The following PAMR1 variants were observed in gnomAD, a reference collection of about 807,000 sequenced individuals.
The protein encoded by PAMR1 is inactive serine protease PAMR1.
In PAMR1, 88 loss-of-function variants were observed where a neutral mutation model predicts 81.8. The ratio of observed to expected loss-of-function variants is 1.08; its 90% CI spans 0.91 to 1.28. The LOEUF is 1.28. PAMR1 is among the 50% of genes most tolerant of loss of function. The probability of loss-of-function intolerance (pLI) is 0.00; values close to 1 mark genes in which losing one functional copy is unlikely to be tolerated. For synonymous variants in PAMR1, 336 were observed against 345.3 expected, an observed-to-expected ratio of 0.97 and a Z score of 0.30; for missense variants, 935 against 919.7, an observed-to-expected ratio of 1.02 and a Z score of -0.21.
rs181424432 is a variant in PAMR1 at position 35,445,110 on chromosome 11, T to C, written c.821-3417A>G. On this transcript the variant is annotated intron_variant, in intron 6 of 10. Coordinates refer to ENST00000619888, the MANE Select transcript of PAMR1 (RefSeq NM_001001991.3). ...TTATTCTCTTTGTGGCAATTGTGAATGGGAGTTCATTCATGATTTGACTCT... is the reference window on the plus strand; with the variant it reads ...TTATTCTCTTTGTGGCAATTGTGAACGGGAGTTCATTCATGATTTGACTCT... Among the ~76,000 whole-genome samples, 38 of 152,326 alleles carry C rather than the reference T, an allele frequency of 2.5e-4. No individual in the cohort carries two copies. The East Asian group carries it at 6.9e-3, about 28-fold the overall frequency.
intron 1 of PAMR1, among the ~76,000 whole-genome samples, chr11:35,506,435 T>G (rs112498101): frequency 9.7e-4 from 3 of 3,090 alleles, no homozygotes; most frequent in African/African-American, 2.1e-3. Context: ...TTTTTTGGTG[T>G]TTTTTTTTTT....
At chr11:35,437,057 T>C (rs1202070910) in intron 8 of PAMR1, among the ~76,000 whole-genome samples, 1 of 152,124 alleles carries the variant, frequency 6.6e-6, no homozygotes, top group Non-Finnish European at 1.5e-5. Flanking sequence ...TCAGGGCGCA[T>C]TGATCGGGAG....
chr11:35,500,148 C>T (rs1850804255), intron 1 of PAMR1, among the ~76,000 whole-genome samples: 1 of 152,214 alleles, frequency 6.6e-6, no homozygotes, highest in Admixed American at 6.5e-5. Context: ...TCATTTTAGA[C>T]TTCTGACCTT....
At chr11:35,456,203 T>C (rs954564403) in intron 6 of PAMR1, among the ~76,000 whole-genome samples, 4 of 152,216 alleles carry the variant, frequency 2.6e-5, no homozygotes, top group Non-Finnish European at 5.9e-5. Flanking sequence ...TTTGCTTCTA[T>C]AATTACATCA....
intron 6 of PAMR1, among the ~76,000 whole-genome samples, chr11:35,460,696 T>C (rs1406347733): frequency 6.6e-6 from 1 of 152,220 alleles, no homozygotes; most frequent in African/African-American, 2.4e-5. Context: ...GGTGCATATG[T>C]GCCACATTTT....
At chr11:35,513,613 T>C (rs965427280) in intron 1 of PAMR1, 1 of 152,216 alleles carries the variant, frequency 6.6e-6, no homozygotes, top group African/African-American at 2.4e-5. Flanking sequence ...GCATTTTATA[T>C]ATGAAGAAAC....
At chr11:35,477,541 G>A (rs1590355281) in intron 3 of PAMR1, among the ~76,000 whole-genome samples, 1 of 152,204 alleles carries the variant, frequency 6.6e-6, no homozygotes, top group African/African-American at 2.4e-5. Flanking sequence ...TTCCCTAGCC[G>A]TGCAGCCTTG....
chr11:35,501,303 G>C (rs1850836195), intron 1 of PAMR1, among the ~76,000 whole-genome samples: 1 of 151,326 alleles, frequency 6.6e-6, no homozygotes, highest in African/African-American at 2.4e-5. Context: ...GCTAATTTTT[G>C]TATTATTTTT....
At chr11:35,463,811 A>T (rs1363304390) in intron 6 of PAMR1, among the ~76,000 whole-genome samples, 1 of 152,192 alleles carries the variant, frequency 6.6e-6, no homozygotes, top group African/African-American at 2.4e-5. Flanking sequence ...GGAGGCTCTC[A>T]CACCTTCTTG....
chr11:35,491,657 T>C (rs1850627915), intron 3 of PAMR1, among the ~76,000 whole-genome samples: 1 of 152,212 alleles, frequency 6.6e-6, no homozygotes, highest in Non-Finnish European at 1.5e-5. Context: ...TGCAGGAATT[T>C]AATTCAGGAT....
intron 1 of PAMR1, among the ~76,000 whole-genome samples, chr11:35,506,095 T>A (rs992220666): frequency 6.6e-6 from 1 of 150,602 alleles, no homozygotes; most frequent in African/African-American, 2.4e-5. Flanking sequence ...TTTAAACAGA[T>A]GACAACTTAC....
intron 7 of PAMR1, among the ~76,000 whole-genome samples, chr11:35,440,044 T>C (rs2135340518): frequency 6.6e-6 from 1 of 152,354 alleles, no homozygotes; most frequent in African/African-American, 2.4e-5. Context: ...GTGAAGGTTC[T>C]AAAACATAGC....
chr11:35,506,580 T>C (rs1179935671), intron 1 of PAMR1, among the ~76,000 whole-genome samples: 2 of 152,056 alleles, frequency 1.3e-5, no homozygotes, highest in Non-Finnish European at 2.9e-5. Flanking sequence ...TGCCATATTC[T>C]TGGGTGGCAG....
chr11:35,506,680 T>C (rs972983206), intron 1 of PAMR1, among the ~76,000 whole-genome samples: 3 of 151,902 alleles, frequency 2.0e-5, no homozygotes, highest in Admixed American at 2.0e-4. Flanking sequence ...GTCAGACAAA[T>C]TGGAGCTTCT....
At chr11:35,478,106 G>C (rs769875595) in intron 3 of PAMR1, among the ~76,000 whole-genome samples, 4 of 152,090 alleles carry the variant, frequency 2.6e-5, no homozygotes, top group African/African-American at 9.7e-5. Context: ...AGCAAATCCT[G>C]CCAGCCTGCT....
chr11:35,497,186 CA>C (rs768241182), intron 1 of PAMR1, among the ~76,000 whole-genome samples: 6 of 151,812 alleles, frequency 4.0e-5, no homozygotes, highest in Non-Finnish European at 8.8e-5. Flanking sequence ...GTAATAATAA[CA>C]AATAATATAA....
At chr11:35,487,740 G>T (rs763193237) in intron 3 of PAMR1, among the ~76,000 whole-genome samples, 1 of 152,196 alleles carries the variant, frequency 6.6e-6, no homozygotes, top group Non-Finnish European at 1.5e-5. Flanking sequence ...CCAGCAGGAG[G>T]CAGACTAGGA....
At chr11:35,496,906 C>T (rs778319602) in intron 1 of PAMR1, among the ~76,000 whole-genome samples, 33 of 152,168 alleles carry the variant, frequency 2.2e-4, no homozygotes, top group Admixed American at 5.9e-4. Flanking sequence ...TGGCTCACAC[C>T]TGTAATCCCA....
At chr11:35,447,440 T>C (rs1856320049) in intron 6 of PAMR1, among the ~76,000 whole-genome samples, 1 of 152,064 alleles carries the variant, frequency 6.6e-6, no homozygotes, top group Non-Finnish European at 1.5e-5. Flanking sequence ...CCTGACCTCA[T>C]GATCTGTCCG....
Sources: allele counts gnomAD v4.1 joint callset (sites outside exome capture counted in the v4.1 genomes callset), GRCh38; gene constraint gnomAD v4.1.1; transcripts MANE v1.5; gene names NCBI Gene and HGNC (gene_info 2026-07-23, HGNC 2026-07-21).